The following SGCD variants were observed in gnomAD, a reference collection of about 807,000 sequenced individuals.
The protein encoded by SGCD is sarcoglycan delta.
Under a neutral mutation model 36.6 loss-of-function variants are expected in SGCD, and 18 were observed. The observed-to-expected ratio is 0.49, with a 90% CI of 0.34 to 0.73. SGCD has a LOEUF of 0.73. Among genes scored for constraint, SGCD ranks in the 30% least tolerant of loss-of-function variants. The pLI is 0.01. For missense variants in SGCD, 387 were observed against 346.7 expected, an observed-to-expected ratio of 1.12 and a Z score of -0.92; for synonymous variants, 133 against 130.6, an observed-to-expected ratio of 1.02 and a Z score of -0.12.
chr5:156,295,037 G>A (rs1581224783), intron 3 of SGCD, among the ~76,000 whole-genome samples: 1 of 152,252 alleles, frequency 6.6e-6, no homozygotes, highest in Non-Finnish European at 1.5e-5. Context: ...TTGACAAAAG[G>A]TTGGAAAGGA....
At chr5:156,722,338 T>G (rs1219865510) in intron 7 of SGCD, among the ~76,000 whole-genome samples, 2 of 152,204 alleles carry the variant, frequency 1.3e-5, no homozygotes, top group African/African-American at 4.8e-5. Flanking sequence ...GAAGATAATC[T>G]GAGCAGGCAA....
chr5:156,468,205 G>A (rs1262699330), intron 3 of SGCD, among the ~76,000 whole-genome samples: 1 of 151,938 alleles, frequency 6.6e-6, no homozygotes, highest in African/African-American at 2.4e-5. Context: ...AATATGCATG[G>A]TGGTGCATGA....
At chr5:156,729,986 G>A (rs1755973559) in intron 7 of SGCD, among the ~76,000 whole-genome samples, 2 of 152,076 alleles carry the variant, frequency 1.3e-5, no homozygotes, top group South Asian at 4.2e-4. Flanking sequence ...GCCAAAAAGA[G>A]GCAAGTTAAA....
the SGCD span, among the ~76,000 whole-genome samples, chr5:155,823,062 A>ATATCTCTATATCTATC: frequency 5.0e-3 from 725 of 145,256 alleles, 2 homozygotes; most frequent in African/African-American, 9.4e-3. Flanking sequence ...CTATATCTCT[A>ATATCTCTATATCTATC]TATCTATCTA....
intron 4 of SGCD, among the ~76,000 whole-genome samples, chr5:156,570,257 T>C (rs1759664213): frequency 6.6e-6 from 1 of 152,232 alleles, no homozygotes; most frequent in Non-Finnish European, 1.5e-5. Flanking sequence ...GACATTATTT[T>C]TGCAAATGGT....
chr5:156,629,862 T>C (rs927133796), intron 6 of SGCD, among the ~76,000 whole-genome samples: 6 of 144,140 alleles, frequency 4.2e-5, no homozygotes, highest in Non-Finnish European at 7.7e-5. Context: ...TTTCTTTTTT[T>C]TTTTTTTTTT....
At chr5:155,855,949 G>T in the SGCD span, among the ~76,000 whole-genome samples, 11 of 152,178 alleles carry the variant, frequency 7.2e-5, no homozygotes, top group South Asian at 1.7e-3. Context: ...AGGAAAAATT[G>T]ATTATACTAA....
intron 3 of SGCD, among the ~76,000 whole-genome samples, chr5:156,420,710 C>G (rs149913027): frequency 3.3e-5 from 5 of 152,088 alleles, no homozygotes; most frequent in Admixed American, 1.3e-4. Context: ...TGAAGAGATT[C>G]TTTACTGTGT....
intron 7 of SGCD, among the ~76,000 whole-genome samples, chr5:156,713,413 G>C (rs7716066): frequency 0.042 from 6,293 of 149,404 alleles, 219 homozygotes; most frequent in African/African-American, 0.083. Flanking sequence ...AACATGTCGG[G>C]GGGGGCGTTA....
chr5:156,364,191 G>T (rs73815049), intron 3 of SGCD, among the ~76,000 whole-genome samples: 68 of 152,128 alleles, frequency 4.5e-4, no homozygotes, highest in Non-Finnish European at 9.6e-4. Context: ...AAGTCTGGGG[G>T]AACCTCTTGA....
intron 6 of SGCD, among the ~76,000 whole-genome samples, chr5:156,612,876 A>G (rs1393866378): frequency 1.3e-5 from 2 of 152,226 alleles, no homozygotes; most frequent in Non-Finnish European, 2.9e-5. Flanking sequence ...GTGCAACTGC[A>G]TGACTCAACT....
chr5:156,500,719 A>G (rs1156366525), intron 3 of SGCD, among the ~76,000 whole-genome samples: 3 of 151,992 alleles, frequency 2.0e-5, no homozygotes, highest in Non-Finnish European at 4.4e-5. Flanking sequence ...AAACATATGC[A>G]CTCTGGGTGT....
chr5:156,646,440 A>G (rs758175928), intron 6 of SGCD, among the ~76,000 whole-genome samples: 6 of 152,228 alleles, frequency 3.9e-5, no homozygotes, highest in African/African-American at 1.2e-4. Flanking sequence ...CAACCTGGCT[A>G]TATCCCATAT....
At chr5:156,606,212 T>C (rs1188586599) in intron 6 of SGCD, among the ~76,000 whole-genome samples, 1 of 152,246 alleles carries the variant, frequency 6.6e-6, no homozygotes, top group Non-Finnish European at 1.5e-5. Context: ...CATCTTGAAT[T>C]AATTTTTGTA....
At chr5:156,660,459 G>A (rs1763872491) in intron 7 of SGCD, among the ~76,000 whole-genome samples, 1 of 152,274 alleles carries the variant, frequency 6.6e-6, no homozygotes, top group African/African-American at 2.4e-5. Flanking sequence ...ATGTCTAGTG[G>A]GTAACCAAAC....
At chr5:155,918,246 G>A (rs1463090977) in intron 1 of SGCD, among the ~76,000 whole-genome samples, 1 of 152,162 alleles carries the variant, frequency 6.6e-6, no homozygotes, top group African/African-American at 2.4e-5. Context: ...CATAAATGAA[G>A]ATCACCAGAA....
At chr5:156,745,322 A>C (rs1026923750) in intron 7 of SGCD, among the ~76,000 whole-genome samples, 1 of 152,172 alleles carries the variant, frequency 6.6e-6, no homozygotes, top group African/African-American at 2.4e-5. Context: ...TGATAACTTC[A>C]AACTGGCCTT....
At chr5:156,070,661 G>A (rs1421658631) in intron 1 of SGCD, among the ~76,000 whole-genome samples, 3 of 152,198 alleles carry the variant, frequency 2.0e-5, no homozygotes, top group Middle Eastern at 3.4e-3. Flanking sequence ...GAGTTAGGGA[G>A]GATTCCCCCT....
chr5:156,701,726 A>C (rs1414299081), intron 7 of SGCD, among the ~76,000 whole-genome samples: 3 of 152,212 alleles, frequency 2.0e-5, no homozygotes, highest in African/African-American at 7.2e-5. Flanking sequence ...GTGTTTTGAT[A>C]ATATGCGCAG....
Sources: gnomAD v4.1 joint callset for allele counts (sites outside exome capture counted in the v4.1 genomes callset) on GRCh38, gnomAD v4.1.1 for gene constraint, MANE v1.5 for transcripts, NCBI Gene and HGNC (gene_info 2026-07-23, HGNC 2026-07-21) for gene names.